The following DLGAP2 variants were observed in gnomAD, a reference collection of about 807,000 sequenced individuals.
DLGAP2 encodes the protein DLG associated protein 2, also known as disks large-associated protein 2.
A neutral mutation model predicts 100.3 loss-of-function variants in DLGAP2; 26 were observed. That is an observed-to-expected ratio of 0.26 (90% CI 0.19 to 0.36). The LOEUF is 0.36. Ranked by LOEUF, DLGAP2 falls within the 10% of genes least tolerant of loss-of-function variation. The pLI is 1.00. For synonymous variants in DLGAP2, 886 were observed against 630.1 expected, an observed-to-expected ratio of 1.41 and a Z score of -6.08; for missense variants, 1,858 against 1,453.2, an observed-to-expected ratio of 1.28 and a Z score of -4.53.
intron 1 of DLGAP2, among the ~76,000 whole-genome samples, chr8:813,334 G>A (rs1796406236): frequency 6.6e-6 from 1 of 151,826 alleles, no homozygotes; most frequent in African/African-American, 2.4e-5. Context: ...TAAATTAGGT[G>A]GGTGATATTT....
At chr8:1,384,301 C>CA (rs1796163703) in intron 3 of DLGAP2, among the ~76,000 whole-genome samples, 1 of 152,144 alleles carries the variant, frequency 6.6e-6, no homozygotes, top group Admixed American at 6.5e-5. Context: ...GGCCTATGCC[C>CA]GGCCCCTGAG....
At chr8:796,192 C>T (rs1796033328) in intron 1 of DLGAP2, among the ~76,000 whole-genome samples, 1 of 152,078 alleles carries the variant, frequency 6.6e-6, no homozygotes, top group Admixed American at 6.6e-5. Flanking sequence ...AGTGTGAGCA[C>T]AGCTTTGGGG....
chr8:1,552,252 C>T (rs1456656482), intron 5 of DLGAP2, among the ~76,000 whole-genome samples: 2 of 152,252 alleles, frequency 1.3e-5, no homozygotes, highest in African/African-American at 4.8e-5. Context: ...AGAAGGACGT[C>T]TGCAGGGAGC....
intron 10 of DLGAP2, among the ~76,000 whole-genome samples, chr8:1,672,372 C>T (rs1798713052): frequency 6.6e-6 from 1 of 152,122 alleles, no homozygotes; most frequent in East Asian, 1.9e-4. Flanking sequence ...GCTGGGATTA[C>T]AGACATGTGC....
intron 2 of DLGAP2, among the ~76,000 whole-genome samples, chr8:1,216,289 C>T (rs1041002406): frequency 2.0e-5 from 3 of 152,108 alleles, no homozygotes; most frequent in Non-Finnish European, 1.5e-5. Flanking sequence ...CAGTCAACTT[C>T]ATACAGGGGC....
At chr8:804,180 A>T (rs1033980495) in intron 1 of DLGAP2, among the ~76,000 whole-genome samples, 1 of 152,174 alleles carries the variant, frequency 6.6e-6, no homozygotes, top group Non-Finnish European at 1.5e-5. Context: ...ATATTTGTTT[A>T]ATAATAGATT....
chr8:1,084,502 C>G (rs994507606), intron 2 of DLGAP2, among the ~76,000 whole-genome samples: 1 of 152,244 alleles, frequency 6.6e-6, no homozygotes, highest in Non-Finnish European at 1.5e-5. Flanking sequence ...CTGTCCGAGG[C>G]TTTGTACCCT....
At chr8:1,282,466 C>G (rs1417516789) in intron 3 of DLGAP2, among the ~76,000 whole-genome samples, 3,025 of 117,076 alleles carry the variant, frequency 0.026, 123 homozygotes, top group African/African-American at 0.1. Flanking sequence ...CATGAACCAT[C>G]TGGACATGGT....
chr8:1,573,961 T>C (rs1802860982), intron 6 of DLGAP2, among the ~76,000 whole-genome samples: 2 of 152,078 alleles, frequency 1.3e-5, no homozygotes, highest in Non-Finnish European at 2.9e-5. Flanking sequence ...TAAAGTGAGG[T>C]GCTCTCTAAA....
At chr8:1,282,292 A>G in intron 3 of DLGAP2, among the ~76,000 whole-genome samples, 1 of 144,888 alleles carries the variant, frequency 6.9e-6, no homozygotes, top group African/African-American at 2.6e-5. Flanking sequence ...GTGTGACCTG[A>G]ACCCAGCGCC....
At chr8:1,377,148 C>G (rs937553524) in intron 3 of DLGAP2, among the ~76,000 whole-genome samples, 3 of 152,232 alleles carry the variant, frequency 2.0e-5, no homozygotes, top group African/African-American at 7.2e-5. Context: ...GGGCCCAGCC[C>G]CACAGCACCT....
chr8:1,269,349 A>G (rs1331057070), intron 3 of DLGAP2, among the ~76,000 whole-genome samples: 1 of 152,162 alleles, frequency 6.6e-6, no homozygotes, highest in African/African-American at 2.4e-5. Flanking sequence ...GACCTGCTGG[A>G]AAGACCGCCC....
At chr8:1,249,101 G>C (rs1798979457) in intron 2 of DLGAP2, among the ~76,000 whole-genome samples, 2 of 152,296 alleles carry the variant, frequency 1.3e-5, no homozygotes, top group South Asian at 4.1e-4. Context: ...TTCAACACGA[G>C]TGTCCTGCAT....
chr8:1,643,549 G>C (rs1329282813), intron 8 of DLGAP2, among the ~76,000 whole-genome samples: 2 of 8,784 alleles, frequency 2.3e-4, no homozygotes, highest in South Asian at 6.4e-3. Context: ...TGTCACCCTC[G>C]ACCCCGCCGG....
At chr8:905,446 C>T (rs965461782) in intron 1 of DLGAP2, among the ~76,000 whole-genome samples, 29 of 152,140 alleles carry the variant, frequency 1.9e-4, no homozygotes, top group South Asian at 1.7e-3. Context: ...GACTCTCAAG[C>T]GATTCCCCCC....
At chr8:1,583,846 G>C (rs994890969) in intron 6 of DLGAP2, among the ~76,000 whole-genome samples, 2 of 151,994 alleles carry the variant, frequency 1.3e-5, no homozygotes, top group African/African-American at 4.8e-5. Flanking sequence ...CAGATCCTTC[G>C]TGATCTGCCC....
intron 6 of DLGAP2, among the ~76,000 whole-genome samples, chr8:1,567,211 A>G (rs1183398730): frequency 6.6e-6 from 1 of 152,220 alleles, no homozygotes. Context: ...TCCAGCAGGA[A>G]AGTGAAGGAT....
At chr8:1,049,991 C>A (rs1802629617) in intron 2 of DLGAP2, among the ~76,000 whole-genome samples, 1 of 152,162 alleles carries the variant, frequency 6.6e-6, no homozygotes, top group Non-Finnish European at 1.5e-5. Flanking sequence ...TATGCACATG[C>A]ACAGGCAGGC....
At chr8:1,662,984 T>A (rs1798448712) in intron 8 of DLGAP2, among the ~76,000 whole-genome samples, 1 of 146,852 alleles carries the variant, frequency 6.8e-6, no homozygotes, top group South Asian at 2.2e-4. Flanking sequence ...ACTGTGTGTG[T>A]ACATGTGTGA....
Sources: gnomAD v4.1 joint callset for allele counts (sites outside exome capture counted in the v4.1 genomes callset) on GRCh38, gnomAD v4.1.1 for gene constraint, MANE v1.5 for transcripts, NCBI Gene and HGNC (gene_info 2026-07-23, HGNC 2026-07-21) for gene names.